The following HSPBP1 variants were observed in gnomAD, a reference collection of about 807,000 sequenced individuals.
HSPBP1 encodes the protein HSPA (Hsp70) binding protein 1.
A neutral mutation model predicts 41.7 loss-of-function variants in HSPBP1; 31 were observed. The observed-to-expected ratio is 0.74, with a 90% CI of 0.56 to 1.00. HSPBP1 has a LOEUF of 1.00. HSPBP1 is among the 50% of genes least tolerant of loss of function. HSPBP1 has a pLI of 0.00. For missense variants in HSPBP1, 439 were observed against 487.9 expected, an observed-to-expected ratio of 0.90 and a Z score of 0.94; for synonymous variants, 199 against 214.4, an observed-to-expected ratio of 0.93 and a Z score of 0.63.
At chr19:55,274,810 G>A (rs772997495) in intron 3 of HSPBP1, among the ~76,000 whole-genome samples, 188 bp from the exon 4 acceptor site, 19 of 152,052 alleles carry the variant, frequency 1.2e-4, no homozygotes, top group African/African-American at 2.7e-4. Flanking sequence ...TCTGACTGGC[G>A]TCCTGATAAG....
chr19:55,266,263 C>A lies in HSPBP1; in HGVS notation c.664G>T (p.Gly222Trp). 1 of 1,581,138 alleles carries A rather than the reference C, an allele frequency of 6.3e-7. No individual in the cohort carries two copies. The highest frequency in any genetic ancestry group is 2.3e-5 in the East Asian group (1 of 43,476). ...TCCAGGCGGAGGAACTGCAGCAGCCCAGCCTCCTGCTCTCGGACCAGACCT... is the reference window on the plus strand; with the variant it reads ...TCCAGGCGGAGGAACTGCAGCAGCCAAGCCTCCTGCTCTCGGACCAGACCT... ...ISCLVREQEA[G>W]LLQFLRLDGF... is the part of the protein sequence containing the mutation. The change falls in exon 5 of 8, where the codon GGG becomes TGG. Residue 222 changes from glycine (G) to tryptophan (W), a missense_variant. Transcript: ENST00000433386.
chr19:55,278,921 A>AC (rs2088150867), intron 2 of HSPBP1, among the ~76,000 whole-genome samples: 20 of 51,900 alleles, frequency 3.9e-4, no homozygotes, highest in East Asian at 5.8e-4. Flanking sequence ...CCCTGCCCCC[A>AC]CCAAAAAAAA....
intron 7 of HSPBP1, among the ~76,000 whole-genome samples, chr19:55,264,092 T>C (rs1472826591): frequency 6.6e-6 from 1 of 151,552 alleles, no homozygotes; most frequent in Admixed American, 6.6e-5. Context: ...CTCAGCCTCC[T>C]GGGTAGCTGG....
rs5828616 is a variant in HSPBP1 at position 55,272,838 on chromosome 19, CAAA to C, written c.640+1557_640+1559del. 3.7e-5 allele frequency among the ~76,000 whole-genome samples: 5 copies of C among 133,616 alleles called. No individual in the cohort carries two copies. The highest frequency in any genetic ancestry group is 8.2e-5 in the African/African-American group (3 of 36,776). The allele number at this position is 133,616 out of a possible 152,430, so 87.7% of individuals were successfully genotyped here. On this transcript the variant is annotated intron_variant, in intron 4 of 7. Transcript: ENST00000433386. The surrounding 1 kb of genome is among the most constrained non-coding windows in gnomAD (Gnocchi z 4.2). ...GGGTGACAAGAGCGAGACTCTGTCTCAAAAAAAAAAAAAAGAAAGAAAAGAAGA... is the reference window on the plus strand; with the variant it reads ...GGGTGACAAGAGCGAGACTCTGTCTCAAAAAAAAAAAGAAAGAAAAGAAGA...
rs760654041 is a variant in HSPBP1, at chr19:55,265,919, G to A, written c.860C>T (p.Pro287Leu). 5.0e-6 allele frequency: 8 copies of A among 1,608,524 alleles called. No individual in the cohort carries two copies. In the South Asian group the frequency reaches 5.6e-5, roughly 11 times the overall value. ...LVALVRTEHS[P>L]FHEHVLGALC... ...GGCTCCAAGCACGTGCTCGTGGAAG[G>A]GGCTGTGCTCTGTCCGCACCAGGGC... The change falls in exon 6 of 8, where the codon CCC (proline) becomes CTC (leucine). Residue 287 changes from proline (P) to leucine (L), a missense_variant. By Grantham distance (98) the Pro-to-Leu change is moderately conservative (BLOSUM62 -3). Transcript: ENST00000433386.
intron 4 of HSPBP1, among the ~76,000 whole-genome samples, chr19:55,267,883 G>A (rs911171781): frequency 2.0e-5 from 3 of 152,206 alleles, no homozygotes; most frequent in African/African-American, 4.8e-5. Context: ...TATCCAGAGG[G>A]CAATGAGAAC....
chr19:55,276,584 T>C (rs1207024916), intron 3 of HSPBP1, among the ~76,000 whole-genome samples: 1 of 152,186 alleles, frequency 6.6e-6, no homozygotes, highest in Non-Finnish European at 1.5e-5. Context: ...GCTGTGATGA[T>C]TGGACACTCA....
chr19:55,264,456 T>C (rs1388118008), intron 7 of HSPBP1, among the ~76,000 whole-genome samples: 1 of 152,256 alleles, frequency 6.6e-6, no homozygotes, highest in Non-Finnish European at 1.5e-5. Flanking sequence ...TTTTAATTAG[T>C]TGTGATTTAG....
At chr19:55,276,490 CAGAG>C in intron 3 of HSPBP1, among the ~76,000 whole-genome samples, 2 of 152,220 alleles carry the variant, frequency 1.3e-5, no homozygotes, top group East Asian at 3.9e-4. Flanking sequence ...TTTATATACA[CAGAG>C]AGCGCACGAG....
Position 55,270,273 on chromosome 19 carries a change from G to A in HSPBP1, c.641-3987C>T, listed in dbSNP as rs1410181901. ...ACCACCACGTGGTGAGGCCGCTCAC[G>A]CAGCCCGAGCTTCCTGCCAACTGCC... On this transcript the variant is annotated intron_variant, in intron 4 of 7. Coordinates refer to ENST00000433386, the MANE Select transcript of HSPBP1 (RefSeq NM_012267.5). The surrounding 1 kb of genome is among the most constrained non-coding windows in gnomAD (Gnocchi z 5.4). 3.3e-5 allele frequency among the ~76,000 whole-genome samples: 5 copies of A among 152,184 alleles called. No homozygotes were observed. The highest frequency in any genetic ancestry group is 4.8e-5 in the African/African-American group (2 of 41,444).
At chr19:55,277,219 C>T (rs953560464) in intron 3 of HSPBP1, among the ~76,000 whole-genome samples, 1 of 152,216 alleles carries the variant, frequency 6.6e-6, no homozygotes, top group African/African-American at 2.4e-5. Flanking sequence ...CCTGAACACA[C>T]CAGGCACACT....
At chr19:55,274,023 G>A in intron 4 of HSPBP1, among the ~76,000 whole-genome samples, 1 of 152,272 alleles carries the variant, frequency 6.6e-6, no homozygotes, top group East Asian at 1.9e-4. Flanking sequence ...GGGTGATAGT[G>A]TCTCTCCATG....
At position 55,273,731 on chromosome 19, in the gene HSPBP1, CCT is replaced by C. The variant is rs1208975269; in HGVS notation, c.640+665_640+666del. On this transcript the variant is annotated intron_variant, in intron 4 of 7. Coordinates refer to ENST00000433386, the MANE Select transcript of HSPBP1 (RefSeq NM_012267.5). ...CTCTGCCCACACCTCAGTTTCTTCC[CCT>C]GTCAAATGAGGATGCAAACGGTCCC... is the stretch of plus-strand genomic sequence containing the variant. Among the ~76,000 whole-genome samples, 3 of 152,054 alleles carry C rather than the reference CCT, an allele frequency of 2.0e-5. No homozygotes were observed. The East Asian group carries it at 5.8e-4, about 29-fold the overall frequency.
Position 55,277,826 on chromosome 19 carries a change from C to T in HSPBP1, c.231G>A (p.Glu77=). 1 of 1,578,550 alleles carries T rather than the reference C, an allele frequency of 6.3e-7. No individual in the cohort carries two copies. Among genetic ancestry groups the T allele is most frequent in the Non-Finnish European group, 8.6e-7 (1 of 1,161,044 alleles). Residue 77 remains glutamate, a synonymous_variant, in exon 3 of 8, where the codon GAG becomes GAA. Coordinates refer to ENST00000433386, the MANE Select transcript of HSPBP1 (RefSeq NM_012267.5). ...MSEERRQWLQ[E]AMSAAFRGQR... is the part of the protein sequence containing the mutation. ...GGCCTCGGAAGGCAGCCGACATGGC[C>T]TCCTGCAGCCACTGACGCCTCTGGA...
At chr19:55,266,497 T>A (rs147554734) in intron 4 of HSPBP1, among the ~76,000 whole-genome samples, 3 of 2,208 alleles carry the variant, frequency 1.4e-3, no homozygotes, top group East Asian at 0.011. Context: ...CCACCATCAC[T>A]ATCACCATCA....
In HSPBP1 at chr19:55,279,658, C is replaced by CCG; in HGVS notation, c.-52_-51dup. 1 of 1,548,730 alleles carries CCG rather than the reference C, an allele frequency of 6.5e-7. No individual in the cohort carries two copies. Among genetic ancestry groups the CCG allele is most frequent in the South Asian group, 1.2e-5 (1 of 84,064 alleles). ...ATGTGTTAGAGGGAGAAGGTGGTCA[C>CCG]CGCTGAAGCAGCTCTGGCGTCCTGA... On this transcript the variant is annotated 5_prime_UTR_variant, in exon 2 of 8. Coordinates refer to ENST00000433386, the MANE Select transcript of HSPBP1 (RefSeq NM_012267.5).
intron 4 of HSPBP1, among the ~76,000 whole-genome samples, chr19:55,271,839 G>A (rs1035334566): frequency 2.0e-5 from 3 of 152,186 alleles, no homozygotes; most frequent in Non-Finnish European, 2.9e-5. Context: ...GTGCTCACCT[G>A]AGGTCGGGGG....
rs10403338 is a variant in HSPBP1 at position 55,262,247 on chromosome 19, A to T, written c.*361T>A. ...ATAGATGATAAAGAGCAACACTTTT[A>T]TTATTCTTCCAGTGGCTCCCCAAGT... On this transcript the variant is annotated 3_prime_UTR_variant, in exon 8 of 8. Coordinates refer to ENST00000433386, the MANE Select transcript of HSPBP1 (RefSeq NM_012267.5). The T allele has an allele frequency of 1.9e-3, 822 of 441,154 alleles. 10 individuals carry two copies. Among genetic ancestry groups the T allele is most frequent in the African/African-American group, 0.016 (775 of 47,800 alleles). 27.3% of individuals were successfully genotyped at this position (441,154 alleles called of 1,614,324 possible). A position where few individuals can be genotyped will look rare whatever the true frequency, so the allele number is the denominator to read the frequency against.
At position 55,279,585 on chromosome 19, in the gene HSPBP1, C is replaced by T. The variant is rs1199010738; in HGVS notation, c.24G>A (p.Gly8=). 4.4e-6 allele frequency: 7 copies of T among 1,595,386 alleles called. No homozygotes were observed. The highest frequency in any genetic ancestry group is 4.0e-5 in the African/African-American group (3 of 74,626). The change falls in exon 2 of 8, where the codon GGG becomes GGA. Residue 8 remains glycine, a synonymous_variant. Transcript: ENST00000433386. ...GGGGCAGCGCCAGGGGCAGGCGGCT[C>T]CCCCTTGAGCCTTCGTCTGACATGG... The part of the protein sequence containing the change: MSDEGSR[G]SRLPLALPPA...
Sources: gnomAD v4.1 joint callset for allele counts (sites outside exome capture counted in the v4.1 genomes callset) on GRCh38, gnomAD v4.1.1 for gene constraint, Gnocchi (gnomAD v3.1) non-coding constraint, MANE v1.5 for transcripts, NCBI Gene and HGNC (gene_info 2026-07-23, HGNC 2026-07-21) for gene names.